PAPSS2: variants seen among roughly 807,000 people sequenced by gnomAD.
The protein encoded by PAPSS2 is 3'-phosphoadenosine 5'-phosphosulfate synthase 2.
PAPSS2 carries 61 observed loss-of-function variants against 66.5 expected under a neutral mutation model. The observed-to-expected ratio is 0.92, with a 90% CI of 0.75 to 1.14. The LOEUF is 1.14. PAPSS2 is among the 50% of genes most tolerant of loss of function. PAPSS2 has a pLI of 0.00. For synonymous variants in PAPSS2, 289 were observed against 287.5 expected, an observed-to-expected ratio of 1.01 and a Z score of -0.05; for missense variants, 708 against 789.6, an observed-to-expected ratio of 0.90 and a Z score of 1.24.
At chr10:87,661,795 T>A (rs949746271) in intron 1 of PAPSS2, among the ~76,000 whole-genome samples, 4 of 152,222 alleles carry the variant, frequency 2.6e-5, no homozygotes, top group Non-Finnish European at 5.9e-5. Flanking sequence ...TGTGTGTGTC[T>A]GTTTTATACA....
chr10:87,744,889 A>C (rs1263636060), intron 11 of PAPSS2, 113 bp from the exon 12 acceptor site: 8 of 868,644 alleles, frequency 9.2e-6, no homozygotes, highest in Non-Finnish European at 1.3e-5. Flanking sequence ...TGCAATTCTT[A>C]GTTGACTCAC....
rs753441201 is a variant in PAPSS2 at position 87,715,016 on chromosome 10, T to G, written c.671T>G (p.Ile224Ser). 6.2e-7 allele frequency: 1 copy of G among 1,612,716 alleles called. No homozygotes were observed. Among genetic ancestry groups the G allele is most frequent in the Non-Finnish European group, 8.5e-7 (1 of 1,178,736 alleles). Residue 224 changes from isoleucine (I) to serine (S), a missense_variant, in exon 6 of 13, where the codon ATC becomes AGC. Ile to Ser is a moderately radical substitution (Grantham distance 142). Coordinates refer to ENST00000456849, the MANE Select transcript of PAPSS2 (RefSeq NM_001015880.2). ...GTACCCTATACTATAATCAAAGATATCCACGAACTCTTTGTGCCGGAAAAC... is the reference window on the plus strand; with the variant it reads ...GTACCCTATACTATAATCAAAGATAGCCACGAACTCTTTGTGCCGGAAAAC... Reference protein sequence around the residue: ...NIVPYTIIKDIHELFVPENKL... With the variant: ...NIVPYTIIKDSHELFVPENKL...
intron 1 of PAPSS2, among the ~76,000 whole-genome samples, chr10:87,661,482 C>T (rs906777417): frequency 2.0e-5 from 3 of 152,184 alleles, no homozygotes; most frequent in Non-Finnish European, 4.4e-5. Context: ...AAATGGCAAG[C>T]CGCTGTGCCA....
At chr10:87,697,909 A>G (rs1466470202) in intron 1 of PAPSS2, among the ~76,000 whole-genome samples, 1 of 152,342 alleles carries the variant, frequency 6.6e-6, no homozygotes, top group East Asian at 1.9e-4. Context: ...AACAGCATGC[A>G]CAGTCCCATG....
intron 8 of PAPSS2, among the ~76,000 whole-genome samples, chr10:87,723,598 T>C (rs1853622617): frequency 6.6e-6 from 1 of 152,202 alleles, no homozygotes. Flanking sequence ...GTACACAGTA[T>C]CTAGTTTGTG....
chr10:87,710,559 A>G (rs1398310881), intron 2 of PAPSS2, among the ~76,000 whole-genome samples: 1 of 152,224 alleles, frequency 6.6e-6, no homozygotes, highest in Non-Finnish European at 1.5e-5. Context: ...CTATACACAC[A>G]AAGTCCATTT....
At chr10:87,707,629 G>GT (rs1257388680) in intron 1 of PAPSS2, among the ~76,000 whole-genome samples, 3 of 144,852 alleles carry the variant, frequency 2.1e-5, no homozygotes, top group Non-Finnish European at 4.5e-5. Context: ...GAGTACAGTG[G>GT]TGCAATCATG....
At chr10:87,744,399 G>A (rs1421868210) in intron 11 of PAPSS2, among the ~76,000 whole-genome samples, 1 of 152,184 alleles carries the variant, frequency 6.6e-6, no homozygotes, top group Non-Finnish European at 1.5e-5. Context: ...GGATTTGAAC[G>A]AGCTGGCTGC....
At chr10:87,716,771 C>T (rs1853537648) in intron 7 of PAPSS2, among the ~76,000 whole-genome samples, 1 of 152,130 alleles carries the variant, frequency 6.6e-6, no homozygotes, top group Non-Finnish European at 1.5e-5. Flanking sequence ...AGATAACACC[C>T]CACAACCTGA....
chr10:87,683,281 C>T (rs372820320), intron 1 of PAPSS2, among the ~76,000 whole-genome samples: 4 of 151,832 alleles, frequency 2.6e-5, no homozygotes, highest in South Asian at 2.1e-4. Context: ...TTAGTAGAGA[C>T]GGGGTTTCAC....
At chr10:87,688,443 T>TTTTATTTTATTTATTTATTTATTTA (rs541821509) in intron 1 of PAPSS2, among the ~76,000 whole-genome samples, 6 of 138,080 alleles carry the variant, frequency 4.3e-5, no homozygotes, top group African/African-American at 1.1e-4. Context: ...TTCTTTTTTA[T>TTTTATTTTATTTATTTATTTATTTA]TTTATTTATT....
intron 2 of PAPSS2, among the ~76,000 whole-genome samples, chr10:87,710,385 C>T (rs568513627): frequency 6.6e-6 from 1 of 152,288 alleles, no homozygotes; most frequent in South Asian, 2.1e-4. Flanking sequence ...CTGCTGTGCT[C>T]TAATATGCAC....
intron 1 of PAPSS2, among the ~76,000 whole-genome samples, chr10:87,705,800 C>G (rs979994208): frequency 1.3e-5 from 2 of 150,828 alleles, no homozygotes; most frequent in East Asian, 1.9e-4. Flanking sequence ...GTGGCATGAT[C>G]TCGGGTCACT....
chr10:87,689,113 G>A (rs1853130769), intron 1 of PAPSS2, among the ~76,000 whole-genome samples: 1 of 152,060 alleles, frequency 6.6e-6, no homozygotes, highest in South Asian at 2.1e-4. Context: ...GTCCAAGGCG[G>A]GTGGATTACC....
rs988154294 is a variant in PAPSS2 at position 87,679,993 on chromosome 10, C to T, written c.27+19985C>T. ...GTGAGCCACCATGATCGTGCCACTG[C>T]GCTCCAGCCTGAGCAACAGTGAGAA... On this transcript the variant is annotated intron_variant, in intron 1 of 12. Coordinates refer to ENST00000456849, the MANE Select transcript of PAPSS2 (RefSeq NM_001015880.2). Among the ~76,000 whole-genome samples the T allele has an allele frequency of 5.3e-5, 8 of 149,662 alleles. No individual in the cohort carries two copies. In the South Asian group the frequency reaches 6.4e-4, roughly 12 times the overall value.
chr10:87,726,683 T>C (rs576833202), intron 8 of PAPSS2, among the ~76,000 whole-genome samples: 1 of 152,202 alleles, frequency 6.6e-6, no homozygotes, highest in African/African-American at 2.4e-5. Flanking sequence ...TGTGGCTGAT[T>C]AGTATTAAAA....
intron 9 of PAPSS2, among the ~76,000 whole-genome samples, chr10:87,728,801 T>C (rs1281564686): frequency 6.6e-6 from 1 of 152,096 alleles, no homozygotes; most frequent in East Asian, 1.9e-4. Flanking sequence ...CTCATGACCC[T>C]GTCAAAAGAT....
chr10:87,739,431 G>A (rs1853840346), intron 9 of PAPSS2, among the ~76,000 whole-genome samples: 1 of 152,178 alleles, frequency 6.6e-6, no homozygotes, highest in Non-Finnish European at 1.5e-5. Context: ...GAAGAAGGCT[G>A]CTTCTTTTGA....
chr10:87,740,549 AT>A (rs1853856024), intron 9 of PAPSS2, among the ~76,000 whole-genome samples: 1 of 152,256 alleles, frequency 6.6e-6, no homozygotes, highest in Admixed American at 6.5e-5. Flanking sequence ...TGGATTTTTA[AT>A]GTAACAGAGT....
Sources: gnomAD v4.1 joint callset for allele counts (sites outside exome capture counted in the v4.1 genomes callset) on GRCh38, gnomAD v4.1.1 for gene constraint, MANE v1.5 for transcripts, NCBI Gene and HGNC (gene_info 2026-07-23, HGNC 2026-07-21) for gene names.